CATSPERE: variants seen among roughly 807,000 people sequenced by gnomAD.
The protein encoded by CATSPERE is cation channel sperm-associated auxiliary subunit epsilon.
CATSPERE carries 93 observed loss-of-function variants against 114.1 expected under a neutral mutation model. The observed-to-expected ratio is 0.81, with a 90% CI of 0.69 to 0.97. CATSPERE has a LOEUF of 0.97. Among genes scored for constraint, CATSPERE ranks in the 50% least tolerant of loss-of-function variants. The pLI is 0.00. For synonymous variants in CATSPERE, 341 were observed against 384.1 expected (o/e 0.89, Z 1.31); for missense variants, 1,058 against 1,131.6 (o/e 0.93, Z 0.93).
At chr1:244,574,629 A>C (rs1572831091) in intron 11 of CATSPERE, among the ~76,000 whole-genome samples, 1 of 152,174 alleles carries the variant, frequency 6.6e-6, no homozygotes, top group South Asian at 2.1e-4. Flanking sequence ...AGTAAAATGG[A>C]TAGCCAGTTG....
upstream of CATSPERE, chr1:244,451,731 C>T (rs1665617966): frequency 1.2e-6 from 2 of 1,607,890 alleles, no homozygotes; most frequent in South Asian, 2.2e-5. This position sits in a 1 kb window ranked among gnomAD's most constrained non-coding sequence, Gnocchi z 6.6. Context: ...CCACCGTCAC[C>T]CGGTTTCCTC....
At chr1:244,451,437 C>A (rs533210011), upstream of CATSPERE, among the ~76,000 whole-genome samples, 1 of 152,326 alleles carries the variant, frequency 6.6e-6, no homozygotes, top group South Asian at 2.1e-4. The surrounding 1 kb of genome is among the most constrained non-coding windows in gnomAD (Gnocchi z 6.6). Flanking sequence ...AAGTTTCACC[C>A]GACGCTCCAG....
intron 5 of CATSPERE, among the ~76,000 whole-genome samples, chr1:244,489,481 T>TTTTG (rs1671610796): frequency 1.0e-5 from 1 of 99,264 alleles, no homozygotes; most frequent in Non-Finnish European, 2.0e-5. Context: ...TTTTTTTTTT[T>TTTTG]GGTGGAAAGA....
chr1:244,540,793 G>A (rs939997116), intron 8 of CATSPERE, among the ~76,000 whole-genome samples: 4 of 102,630 alleles, frequency 3.9e-5, no homozygotes, highest in African/African-American at 1.3e-4. Context: ...GCATGGTACA[G>A]CTACCAAAAC....
chr1:244,594,046 T>G (rs928340326), intron 17 of CATSPERE, among the ~76,000 whole-genome samples: 1 of 152,212 alleles, frequency 6.6e-6, no homozygotes, highest in Non-Finnish European at 1.5e-5. Flanking sequence ...TTCAGCCAGG[T>G]ACGGTGGCTC....
At chr1:244,502,304 T>C (rs114398545) in intron 7 of CATSPERE, among the ~76,000 whole-genome samples, 31 of 152,324 alleles carry the variant, frequency 2.0e-4, no homozygotes, top group Non-Finnish European at 4.3e-4. Flanking sequence ...CCTGTATCCT[T>C]ACAGTTTTTT....
chr1:244,536,728 T>C (rs765677908), intron 8 of CATSPERE, among the ~76,000 whole-genome samples: 1 of 152,222 alleles, frequency 6.6e-6, no homozygotes, highest in African/African-American at 2.4e-5. Context: ...ATACTGTGAT[T>C]ACTCACTTGA....
At chr1:244,559,999 T>C (rs545193239) in intron 9 of CATSPERE, among the ~76,000 whole-genome samples, 2 of 152,170 alleles carry the variant, frequency 1.3e-5, no homozygotes, top group Non-Finnish European at 1.5e-5. Context: ...TTTTTATTTA[T>C]TTATTTATTT....
At chr1:244,475,477 A>G (rs930794973) in intron 2 of CATSPERE, among the ~76,000 whole-genome samples, 1 of 149,842 alleles carries the variant, frequency 6.7e-6, no homozygotes, top group Non-Finnish European at 1.5e-5. Flanking sequence ...CAAGTGAGCT[A>G]CCTGCCTTGG....
At chr1:244,519,636 G>A (rs1033164724) in intron 8 of CATSPERE, among the ~76,000 whole-genome samples, 4 of 152,146 alleles carry the variant, frequency 2.6e-5, no homozygotes, top group East Asian at 1.9e-4. Context: ...ATGGGATGGC[G>A]TCCTGTCCAG....
chr1:244,532,073 G>A (rs1454319940), intron 8 of CATSPERE, among the ~76,000 whole-genome samples: 3 of 152,208 alleles, frequency 2.0e-5, no homozygotes, highest in African/African-American at 7.2e-5. Context: ...ATGTGTCTAG[G>A]AATGTATCCA....
At chr1:244,507,119 C>CAT (rs1403160800) in intron 7 of CATSPERE, among the ~76,000 whole-genome samples, 2 of 152,074 alleles carry the variant, frequency 1.3e-5, no homozygotes, top group South Asian at 2.1e-4. Flanking sequence ...AGTATTACAT[C>CAT]ATATATATAG....
chr1:244,579,608 T>C (rs1572854831), intron 11 of CATSPERE, among the ~76,000 whole-genome samples: 1 of 152,176 alleles, frequency 6.6e-6, no homozygotes, highest in Non-Finnish European at 1.5e-5. Context: ...TGTTCAAGGG[T>C]CTACTGTATA....
intron 5 of CATSPERE, among the ~76,000 whole-genome samples, chr1:244,486,730 C>G (rs1671108423): frequency 8.0e-6 from 1 of 125,382 alleles, no homozygotes; most frequent in Non-Finnish European, 1.7e-5. Context: ...ATGTGGAGTA[C>G]TCGTGGGCCA....
chr1:244,619,295 G>A (rs1041673510), intron 20 of CATSPERE, among the ~76,000 whole-genome samples: 23 of 152,136 alleles, frequency 1.5e-4, no homozygotes, highest in African/African-American at 5.3e-4. Context: ...GGAATTTGGG[G>A]TGATGAGGAA....
chr1:244,539,978 G>A (rs1306098525), intron 8 of CATSPERE, among the ~76,000 whole-genome samples: 1 of 151,308 alleles, frequency 6.6e-6, no homozygotes, highest in Non-Finnish European at 1.5e-5. Flanking sequence ...ATTTCCTTCA[G>A]TTCTGCTCTG....
intron 14 of CATSPERE, among the ~76,000 whole-genome samples, chr1:244,589,748 A>G (rs1667482607): frequency 6.6e-6 from 1 of 152,222 alleles, no homozygotes; most frequent in African/African-American, 2.4e-5. Context: ...ATTTCCTTCT[A>G]AAGTGAGATG....
chr1:244,590,004 T>A (rs955651844), intron 14 of CATSPERE, among the ~76,000 whole-genome samples: 1 of 152,154 alleles, frequency 6.6e-6, no homozygotes, highest in Non-Finnish European at 1.5e-5. Flanking sequence ...GGGGTCCAAG[T>A]TACTTTTGGA....
At chr1:244,622,170 G>A (rs572037104) in intron 20 of CATSPERE, among the ~76,000 whole-genome samples, 1 of 152,094 alleles carries the variant, frequency 6.6e-6, no homozygotes, top group Non-Finnish European at 1.5e-5. Flanking sequence ...ACACCGTAAG[G>A]TTTTATGTAA....
Sources: gnomAD v4.1 joint callset for allele counts (sites outside exome capture counted in the v4.1 genomes callset) on GRCh38, gnomAD v4.1.1 for gene constraint, Gnocchi (gnomAD v3.1) non-coding constraint, MANE v1.5 for transcripts, NCBI Gene and HGNC (gene_info 2026-07-23, HGNC 2026-07-21) for gene names.